CELF2: variants seen among roughly 807,000 people sequenced by gnomAD.
The protein encoded by CELF2 is CUGBP Elav-like family member 2, also known as CUG triplet repeat RNA-binding protein 2.
A neutral mutation model predicts 62.6 loss-of-function variants in CELF2; 8 were observed. The observed-to-expected ratio is 0.13, with a 90% CI of 0.07 to 0.23. The LOEUF is 0.23. Ranked by LOEUF, CELF2 falls within the 10% of genes least tolerant of loss-of-function variation. CELF2 has a pLI of 1.00. For synonymous variants in CELF2, 258 were observed against 250.0 expected, an observed-to-expected ratio of 1.03 and a Z score of -0.30; for missense variants, 333 against 671.0, an observed-to-expected ratio of 0.50 and a Z score of 5.56.
intron 1 of CELF2, among the ~76,000 whole-genome samples, chr10:10,879,407 C>T (rs2061313338): frequency 6.6e-6 from 1 of 152,120 alleles, no homozygotes; most frequent in African/African-American, 2.4e-5. Flanking sequence ...TGACTCCGGC[C>T]TATGTATTTA....
chr10:10,713,167 T>G, the CELF2 span, among the ~76,000 whole-genome samples: 3 of 152,238 alleles, frequency 2.0e-5, no homozygotes, highest in African/African-American at 7.2e-5. Context: ...CAATGGTCTT[T>G]CCTCAAAAGG....
chr10:10,956,501 C>T (rs1020692492), intron 2 of CELF2, among the ~76,000 whole-genome samples: 7 of 152,164 alleles, frequency 4.6e-5, no homozygotes, highest in African/African-American at 1.2e-4. Context: ...TGCTTTTAAG[C>T]ATTGTGACCC....
chr10:10,703,710 G>T, the CELF2 span, among the ~76,000 whole-genome samples: 2 of 152,136 alleles, frequency 1.3e-5, no homozygotes, highest in Non-Finnish European at 2.9e-5. Context: ...AAAATGATGG[G>T]TAATAATAAA....
chr10:11,004,052 A>G (rs1203519030), upstream of CELF2, among the ~76,000 whole-genome samples: 5 of 152,308 alleles, frequency 3.3e-5, no homozygotes, highest in Admixed American at 6.5e-5. The surrounding 1 kb of genome is among the most constrained non-coding windows in gnomAD (Gnocchi z 5.0). Context: ...TGCCCAGAGA[A>G]CATGTTCATT....
chr10:11,264,458 A>G (rs2938019), intron 5 of CELF2, among the ~76,000 whole-genome samples: 6,807 of 152,336 alleles, frequency 0.045, 269 homozygotes, highest in African/African-American at 0.11. Flanking sequence ...CTTCTTGACT[A>G]TTAAAAACAG....
chr10:10,882,807 A>T (rs919573742), intron 1 of CELF2, among the ~76,000 whole-genome samples: 1 of 152,082 alleles, frequency 6.6e-6, no homozygotes, highest in Non-Finnish European at 1.5e-5. Context: ...AATATCAAAT[A>T]AAAAAAATCA....
rs978198418 is a variant in CELF2, at chr10:11,224,013, C to T, written c.354+6506C>T. 1.3e-5 allele frequency among the ~76,000 whole-genome samples: 2 copies of T among 152,084 alleles called. No homozygotes were observed. Among genetic ancestry groups the T allele is most frequent in the African/African-American group, 2.4e-5 (1 of 41,360 alleles). On this transcript the variant is annotated intron_variant, in intron 3 of 12. Coordinates refer to ENST00000633077, the MANE Select transcript of CELF2 (RefSeq NM_001326342.2). The surrounding 1 kb of genome is among the most constrained non-coding windows in gnomAD (Gnocchi z 4.5). ...ATGTTGATGGGCAGTTATTTACGTA[C>T]GGCTTTGATTAAAATAAAAAACTAG...
intron 2 of CELF2, among the ~76,000 whole-genome samples, chr10:11,173,755 A>G (rs1266996199): frequency 2.0e-5 from 3 of 152,218 alleles, no homozygotes; most frequent in African/African-American, 7.2e-5. Context: ...AACAGCTCAC[A>G]GGCATGCCAG....
intron 10 of CELF2, chr10:11,320,846 A>G: frequency 3.3e-6 from 5 of 1,503,072 alleles, no homozygotes; most frequent in South Asian, 1.3e-5. Context: ...TTTTTTTTAC[A>G]TGCTCCTAAG....
chr10:10,814,214 TAAAAAAAAAA>T lies in CELF2; in HGVS notation c.53+15414_53+15423del, dbSNP rs759524110. On this transcript the variant is annotated intron_variant, in intron 1 of 13. Transcript: ENST00000636488. ...AAGGAAGAAAGGGAAAGAAGAGTCCTAAAAAAAAAAAAAAAAAAAAAAAAAAGCTGCTCTA... is the reference window on the plus strand; with the variant it reads ...AAGGAAGAAAGGGAAAGAAGAGTCCTAAAAAAAAAAAAAAAAGCTGCTCTA... 6.8e-5 allele frequency among the ~76,000 whole-genome samples: 3 copies of T among 44,434 alleles called. No individual in the cohort carries two copies. The South Asian group carries it at 4.8e-3, about 71-fold the overall frequency. 29.2% of individuals were successfully genotyped at this position (44,434 alleles called of 152,430 possible).
chr10:10,523,586 G>A, the CELF2 span, among the ~76,000 whole-genome samples: 1 of 152,164 alleles, frequency 6.6e-6, no homozygotes, highest in Admixed American at 6.5e-5. Flanking sequence ...AAATTTCTGA[G>A]AATCTAAATT....
At chr10:10,715,888 T>G in the CELF2 span, among the ~76,000 whole-genome samples, 3 of 152,236 alleles carry the variant, frequency 2.0e-5, no homozygotes, top group Non-Finnish European at 4.4e-5. Context: ...AGTTAGTTCC[T>G]GGCATCTGTG....
the CELF2 span, among the ~76,000 whole-genome samples, chr10:10,696,193 C>A: frequency 6.6e-6 from 1 of 151,944 alleles, no homozygotes; most frequent in East Asian, 1.9e-4. Flanking sequence ...TGTGGATGTC[C>A]TTTCTGTTTG....
At chr10:10,862,491 G>A (rs146970312) in intron 1 of CELF2, among the ~76,000 whole-genome samples, 1 of 152,166 alleles carries the variant, frequency 6.6e-6, no homozygotes, top group African/African-American at 2.4e-5. Flanking sequence ...TTCTTAGGTG[G>A]TACCTGATTG....
At position 11,280,989 on chromosome 10, in the gene CELF2, CGTGTGTGTGTGTGTGT is replaced by C. The variant is rs60798946; in HGVS notation, c.841+5886_841+5901del. The stretch of plus-strand genomic sequence containing the variant: ...TGGCGTGCGTGTGCATGCCTGTGTG[CGTGTGTGTGTGTGTGT>C]GTGTGTGTGTGTGTGTTCAGAATGG... On this transcript the variant is annotated intron_variant, in intron 8 of 12. Transcript: ENST00000633077. The surrounding 1 kb of genome is among the most constrained non-coding windows in gnomAD (Gnocchi z 7.6). Among the ~76,000 whole-genome samples, 330 of 144,514 alleles carry C rather than the reference CGTGTGTGTGTGTGTGT, an allele frequency of 2.3e-3. 3 individuals are homozygous for C. The highest frequency in any genetic ancestry group is 8.1e-3 in the African/African-American group (316 of 38,956). The allele number at this position is 144,514 out of a possible 152,430, so 94.8% of individuals were successfully genotyped here.
the CELF2 span, among the ~76,000 whole-genome samples, chr10:10,689,361 T>C: frequency 0.018 from 2,677 of 152,150 alleles, 40 homozygotes; most frequent in African/African-American, 0.043. Context: ...AACAGCAAGG[T>C]GGAAAATCTG....
intron 2 of CELF2, among the ~76,000 whole-genome samples, chr10:11,166,383 G>A (rs994588580): frequency 3.7e-4 from 57 of 152,272 alleles, no homozygotes; most frequent in Admixed American, 6.5e-4. Context: ...TGACGGTGAT[G>A]GGGGGCAGTG....
rs1271873392 is a variant in CELF2 at position 11,157,606 on chromosome 10, CAGA to C, written c.75-7877_75-7875del. Reference sequence around the variant, plus strand: ...GTCTCTTCTAATTGGCCATGAGCAGCAGAAGGACATAAATGACCTATTTTTCAG... The same window carrying C: ...GTCTCTTCTAATTGGCCATGAGCAGCAGGACATAAATGACCTATTTTTCAG... On this transcript the variant is annotated intron_variant, in intron 1 of 12. Coordinates refer to ENST00000633077, the MANE Select transcript of CELF2 (RefSeq NM_001326342.2). The surrounding 1 kb of genome is among the most constrained non-coding windows in gnomAD (Gnocchi z 4.9). Among the ~76,000 whole-genome samples the C allele has an allele frequency of 2.0e-5, 3 of 152,168 alleles. No homozygotes were observed. The highest frequency in any genetic ancestry group is 7.2e-5 in the African/African-American group (3 of 41,426).
the CELF2 span, among the ~76,000 whole-genome samples, chr10:10,603,805 A>ACACACACT: frequency 6.6e-6 from 1 of 152,008 alleles, no homozygotes; most frequent in Non-Finnish European, 1.5e-5. Context: ...ACACACACAC[A>ACACACACT]CACACTGTCC....
Sources: gnomAD v4.1 joint callset for allele counts (sites outside exome capture counted in the v4.1 genomes callset) on GRCh38, gnomAD v4.1.1 for gene constraint, Gnocchi (gnomAD v3.1) non-coding constraint, MANE v1.5 for transcripts, NCBI Gene and HGNC (gene_info 2026-07-23, HGNC 2026-07-21) for gene names.